GTF2H3: variants seen among roughly 807,000 people sequenced by gnomAD.
The protein encoded by GTF2H3 is TFIIH basal transcription factor complex p34 subunit.
GTF2H3 carries 42 observed loss-of-function variants against 51.1 expected under a neutral mutation model. That is an observed-to-expected ratio of 0.82 (90% CI 0.64 to 1.06). The LOEUF is 1.06. Among genes scored for constraint, GTF2H3 ranks in the 50% least tolerant of loss-of-function variants. The pLI is 0.00. For synonymous variants in GTF2H3, 123 were observed against 123.8 expected (o/e 0.99, Z 0.04); for missense variants, 326 against 366.1 (o/e 0.89, Z 0.89).
At chr12:123,638,896 C>T (rs1428866842) in intron 1 of GTF2H3, among the ~76,000 whole-genome samples, 2 of 150,590 alleles carry the variant, frequency 1.3e-5, no homozygotes, top group Non-Finnish European at 2.9e-5. Flanking sequence ...CCTGGGTTCA[C>T]GCCATTCTCC....
At position 123,655,539 on chromosome 12, in the gene GTF2H3, CT is replaced by C. The variant is rs11057317; in HGVS notation, c.562-229del. The stretch of plus-strand genomic sequence containing the variant: ...CATGATGTAGTGAAAAGAGCCTGGA[CT>C]TTGGAGACATGCCGAGTGGGGTGAC... On this transcript the variant is annotated intron_variant, in intron 8 of 12. Coordinates refer to ENST00000543341, the MANE Select transcript of GTF2H3 (RefSeq NM_001516.5). 1,366 of 459,702 alleles carry C rather than the reference CT, an allele frequency of 3.0e-3. 13 individuals carry two copies. Among genetic ancestry groups the C allele is most frequent in the African/African-American group, 0.025 (1,277 of 50,112 alleles). The allele number at this position is 459,702 out of a possible 1,614,324, so 28.5% of individuals were successfully genotyped here. A position where few individuals can be genotyped will look rare whatever the true frequency, so the allele number is the denominator to read the frequency against.
chr12:123,654,754 A>G (rs1487628268), intron 7 of GTF2H3, among the ~76,000 whole-genome samples, 170 bp from the exon 8 acceptor site: 1 of 152,222 alleles, frequency 6.6e-6, no homozygotes, highest in African/African-American at 2.4e-5. Flanking sequence ...GTGGAGCGGG[A>G]TTTCGGGGGA....
At chr12:123,643,823 G>A (rs1263696238) in intron 2 of GTF2H3, among the ~76,000 whole-genome samples, 1 of 151,888 alleles carries the variant, frequency 6.6e-6, no homozygotes, top group East Asian at 1.9e-4. Context: ...CCAGTAGGGT[G>A]AAATTTACCA....
rs1016153414 is a variant in GTF2H3 at position 123,645,514 on chromosome 12, G to A, written c.153G>A (p.Met51Ile). 1.9e-6 allele frequency: 3 copies of A among 1,610,106 alleles called. No individual in the cohort carries two copies. The African/African-American group carries it at 4.0e-5, about 22-fold the overall frequency. Residue 51 changes from methionine to isoleucine, a missense_variant, in exon 3 of 13, where the codon ATG (methionine) becomes ATA (isoleucine). By Grantham distance (10) the Met-to-Ile change is conservative (BLOSUM62 1). Transcript: ENST00000543341. ...VMVLGNSHLF[M>I]NRSNKLAVIA... is the part of the protein sequence containing the mutation. ...TGCTGGGAAATTCGCATTTATTCAT[G>A]AATCGTTCCAACAAACTTGCTGTGA...
At chr12:123,660,018 A>G in intron 11 of GTF2H3, 28 bp from the exon 12 acceptor site, 1 of 1,584,452 alleles carries the variant, frequency 6.3e-7, no homozygotes, top group Non-Finnish European at 8.5e-7. Flanking sequence ...CAGCCACCCT[A>G]TTGTTTCTTT....
intron 1 of GTF2H3, among the ~76,000 whole-genome samples, chr12:123,637,731 T>A (rs1198995696): frequency 6.6e-6 from 1 of 152,090 alleles, no homozygotes; most frequent in Non-Finnish European, 1.5e-5. Flanking sequence ...CTTGAACTCC[T>A]GACCTCAGTG....
chr12:123,662,590 A>G lies in GTF2H3; in HGVS notation c.*2355A>G, dbSNP rs1485187123. The G allele has an allele frequency of 6.6e-6, 1 of 152,112 alleles. No homozygotes were observed. Among genetic ancestry groups the G allele is most frequent in the Non-Finnish European group, 1.5e-5 (1 of 68,028 alleles). 9.4% of individuals were successfully genotyped at this position (152,112 alleles called of 1,614,324 possible). On this transcript the variant is annotated 3_prime_UTR_variant, in exon 13 of 13. Coordinates refer to ENST00000543341, the MANE Select transcript of GTF2H3 (RefSeq NM_001516.5). The stretch of plus-strand genomic sequence containing the variant: ...ATTTTATATAAATTTTTACAATAAA[A>G]TAATTTGATTTTCATATTTGGTTGA...
At position 123,658,893 on chromosome 12, in the gene GTF2H3, C is replaced by T. The variant is rs577532492; in HGVS notation, c.616-623C>T. Among the ~76,000 whole-genome samples the T allele has an allele frequency of 7.2e-5, 11 of 152,200 alleles. No individual in the cohort carries two copies. In the South Asian group the frequency reaches 1.0e-3, roughly 14 times the overall value. On this transcript the variant is annotated intron_variant, in intron 9 of 12. Transcript: ENST00000543341. ...GACAAATAACTCATTTCAAAGTGGG[C>T]CAAGGATTGAACAGCTATTTCTCCA...
chr12:123,657,764 T>A (rs768179298), intron 9 of GTF2H3, among the ~76,000 whole-genome samples: 3 of 152,252 alleles, frequency 2.0e-5, no homozygotes, highest in Non-Finnish European at 4.4e-5. Context: ...AGTTGTTAAA[T>A]GTGTAAATGA....
intron 2 of GTF2H3, among the ~76,000 whole-genome samples, chr12:123,641,196 T>C (rs1203944697): frequency 6.6e-6 from 1 of 151,658 alleles, no homozygotes; most frequent in Non-Finnish European, 1.5e-5. Flanking sequence ...GAGAATGGAA[T>C]ATTGAAATGA....
intron 9 of GTF2H3, among the ~76,000 whole-genome samples, chr12:123,657,955 G>A (rs567323182): frequency 2.6e-5 from 4 of 152,356 alleles, no homozygotes; most frequent in Admixed American, 2.0e-4. Flanking sequence ...GGAAACCTTA[G>A]TGTCAGCAAC....
chr12:123,653,764 A>G (rs1433493536), intron 7 of GTF2H3, among the ~76,000 whole-genome samples: 1 of 152,124 alleles, frequency 6.6e-6, no homozygotes, highest in African/African-American at 2.4e-5. Flanking sequence ...GCTTATTCTC[A>G]TGGGTTGCTG....
chr12:123,655,655 AC>A (rs1955577448), intron 8 of GTF2H3, 115 bp from the exon 9 acceptor site: 1 of 665,604 alleles, frequency 1.5e-6, no homozygotes, highest in Non-Finnish European at 2.7e-6. Context: ...GTGCAGAGTC[AC>A]GTTGCATATT....
rs1213381373 is a variant in GTF2H3 at position 123,633,890 on chromosome 12, C to A, written c.13+18C>A. 6.2e-7 allele frequency: 1 copy of A among 1,612,970 alleles called. No individual in the cohort carries two copies. The highest frequency in any genetic ancestry group is 1.1e-5 in the South Asian group (1 of 91,084). ...TTCAGACGGTGAGGACCCTGCAGGG[C>A]GGGACTTCGACTCCGGGGCTCGGCT... is the stretch of plus-strand genomic sequence containing the variant. On this transcript the variant is annotated intron_variant, in intron 1 of 12. Coordinates refer to ENST00000543341, the MANE Select transcript of GTF2H3 (RefSeq NM_001516.5).
chr12:123,649,203 G>C (rs1228081362), intron 4 of GTF2H3: 2 of 150,898 alleles, frequency 1.3e-5, no homozygotes, highest in Non-Finnish European at 3.0e-5. Flanking sequence ...CCTGACCTCA[G>C]TTGATCCACC....
chr12:123,648,655 C>T (rs1367293191), intron 4 of GTF2H3, among the ~76,000 whole-genome samples: 1 of 152,158 alleles, frequency 6.6e-6, no homozygotes. Context: ...CCACCATTTC[C>T]ATTCCCTATT....
intron 4 of GTF2H3, 152 bp from the exon 5 acceptor site, chr12:123,650,842 T>C: frequency 3.5e-6 from 2 of 577,910 alleles, no homozygotes; most frequent in Non-Finnish European, 6.3e-6. Flanking sequence ...CACATTGCTA[T>C]GTTTTTAAAC....
At chr12:123,638,941 G>A (rs1369624804) in intron 1 of GTF2H3, among the ~76,000 whole-genome samples, 1 of 151,818 alleles carries the variant, frequency 6.6e-6, no homozygotes, top group Admixed American at 6.6e-5. Flanking sequence ...GACTACAGGC[G>A]CCCACCACCA....
intron 2 of GTF2H3, among the ~76,000 whole-genome samples, chr12:123,643,385 A>T (rs1037171294): frequency 2.6e-5 from 4 of 152,204 alleles, no homozygotes; most frequent in African/African-American, 9.6e-5. Context: ...TTGGGGAGCG[A>T]ATGGTTAAAC....
Sources: gnomAD v4.1 joint callset for allele counts (sites outside exome capture counted in the v4.1 genomes callset) on GRCh38, gnomAD v4.1.1 for gene constraint, MANE v1.5 for transcripts, NCBI Gene and HGNC (gene_info 2026-07-23, HGNC 2026-07-21) for gene names.